AZU1: variants seen among roughly 807,000 people sequenced by gnomAD.
AZU1 encodes the protein azurocidin.
AZU1 carries 21 observed loss-of-function variants against 17.8 expected under a neutral mutation model. The ratio of observed to expected loss-of-function variants is 1.18; its 90% CI spans 0.84 to 1.70. AZU1 has a LOEUF of 1.70. Ranked by LOEUF, AZU1 falls within the 40% of genes most tolerant of loss-of-function variation. The pLI, the probability that AZU1 is intolerant of heterozygous loss-of-function variation, is 0.00. For missense variants in AZU1, 379 were observed against 362.9 expected (o/e 1.04, Z -0.36); for synonymous variants, 178 against 155.2 (o/e 1.15, Z -1.09).
rs771258882 is a variant in AZU1, at chr19:831,783, C to T, written c.662C>T (p.Pro221Leu). Residue 221 changes from proline (P) to leucine (L), a missense_variant, in exon 5 of 5, where the codon CCC becomes CTC. Physicochemically the swap from Pro to Leu is moderately conservative, Grantham distance 98. Transcript: ENST00000233997. Reference protein sequence around the residue: ...AHGVASFSLGPCGRGPDFFTR... With the variant: ...AHGVASFSLGLCGRGPDFFTR... ...GGCGTGGCCTCCTTTTCCCTGGGGC[C>T]CTGTGGCCGAGGCCCTGACTTCTTC... 2.5e-5 allele frequency: 41 copies of T among 1,612,464 alleles called. No individual in the cohort carries two copies. The Admixed American group carries it at 5.0e-4, about 20-fold the overall frequency.
Position 828,379 on chromosome 19 carries a change from C to T in AZU1, c.208C>T (p.Gln70Ter). The change falls in exon 2 of 5, where the codon CAA becomes TAA. Residue 70 changes from glutamine to a stop codon, truncating the protein, a stop_gained. Coordinates refer to ENST00000233997, the MANE Select transcript of AZU1 (RefSeq NM_001700.5). LOFTEE classifies it high-confidence loss of function. ...CGTGATGACCGCGGCCAGCTGCTTC[C>T]AAAGCCAGTGAGGGGTCCTGGGGAG... is the stretch of plus-strand genomic sequence containing the variant. ...RFVMTAASCF[Q>*]SQNPGVSTVV... 6.3e-7 allele frequency: 1 copy of T among 1,583,438 alleles called. No individual in the cohort carries two copies. Among genetic ancestry groups the T allele is most frequent in the Non-Finnish European group, 8.6e-7 (1 of 1,163,558 alleles).
Position 830,738 on chromosome 19 carries a change from G to T in AZU1, c.391G>T (p.Val131Leu). Reference protein sequence around the residue: ...LDREANLTSSVTILPLPLQNA... With the variant: ...LDREANLTSSLTILPLPLQNA... ...CCGTGAGGCCAACCTCACCAGCAGC[G>T]TGACGATACTGCCACTGCCTCTGCA... The change falls in exon 4 of 5, where the codon GTG (valine) becomes TTG (leucine). Residue 131 changes from valine (V) to leucine (L), a missense_variant. Val to Leu is a conservative substitution (Grantham distance 32). Transcript: ENST00000233997. The T allele has an allele frequency of 1.3e-6, 2 of 1,590,470 alleles. No individual in the cohort carries two copies. The highest frequency in any genetic ancestry group is 8.5e-7 in the Non-Finnish European group (1 of 1,172,742).
chr19:828,782 G>T (rs1303607599), intron 2 of AZU1, among the ~76,000 whole-genome samples: 3 of 105,600 alleles, frequency 2.8e-5, no homozygotes, highest in Non-Finnish European at 5.8e-5. Flanking sequence ...AGGGAAGGGG[G>T]TCAGATGGGG....
At position 830,902 on chromosome 19, in the gene AZU1, G is replaced by A; in HGVS notation, c.555G>A (p.Val185=). Reference sequence around the variant, plus strand: ...AGGACCAGTGTCGCCCCAACAACGTGTGCACCGGTGTGCTCACCCGCCGCG... The same window carrying A: ...AGGACCAGTGTCGCCCCAACAACGTATGCACCGGTGTGCTCACCCGCCGCG... ...TPEDQCRPNN[V]CTGVLTRRGG... The change falls in exon 4 of 5, where the codon GTG becomes GTA. Residue 185 remains valine (V), a synonymous_variant. Coordinates refer to ENST00000233997, the MANE Select transcript of AZU1 (RefSeq NM_001700.5). 1 of 1,604,202 alleles carries A rather than the reference G, an allele frequency of 6.2e-7. No individual in the cohort carries two copies. Among genetic ancestry groups the A allele is most frequent in the East Asian group, 2.2e-5 (1 of 44,872 alleles).
At position 830,807 on chromosome 19, in the gene AZU1, T is replaced by TG. The variant is rs771548104; in HGVS notation, c.465dup (p.Ser156GlufsTer72). ...CGGCACCAGATGCCAGGTGGCCGGCTGGGGGAGCCAGCGCAGTGGGGGGCG... is the reference window on the plus strand; with the variant it reads ...CGGCACCAGATGCCAGGTGGCCGGCTGGGGGGAGCCAGCGCAGTGGGGGGCG... On this transcript the variant is annotated frameshift_variant, in exon 4 of 5. Transcript: ENST00000233997. LOFTEE classifies it high-confidence loss of function. The TG allele has an allele frequency of 2.9e-5, 46 of 1,606,908 alleles. No individual in the cohort carries two copies. In the South Asian group the frequency reaches 4.3e-4, roughly 15 times the overall value.
At position 830,719 on chromosome 19, in the gene AZU1, G is replaced by A; in HGVS notation, c.372G>A (p.Glu124=). ...NDLMLLQLDR[E]ANLTSSVTIL... Reference sequence around the variant, plus strand: ...ATTTCCTTCCCCAGCTGGACCGTGAGGCCAACCTCACCAGCAGCGTGACGA... The same window carrying A: ...ATTTCCTTCCCCAGCTGGACCGTGAAGCCAACCTCACCAGCAGCGTGACGA... The change falls in exon 4 of 5, where the codon GAG becomes GAA. Residue 124 remains glutamate (E), a synonymous_variant. Coordinates refer to ENST00000233997, the MANE Select transcript of AZU1 (RefSeq NM_001700.5). 1 of 1,571,658 alleles carries A rather than the reference G, an allele frequency of 6.4e-7. No homozygotes were observed. Among genetic ancestry groups the A allele is most frequent in the East Asian group, 2.2e-5 (1 of 44,596 alleles).
At position 828,289 on chromosome 19, in the gene AZU1, T is replaced by G; in HGVS notation, c.118T>G (p.Phe40Val). Residue 40 changes from phenylalanine to valine, a missense_variant, in exon 2 of 5, where the codon TTC (phenylalanine) becomes GTC (valine). Phe to Val is a conservative substitution (Grantham distance 50). Transcript: ENST00000233997. ...GRKARPRQFP[F>V]LASIQNQGRH... Reference sequence around the variant, plus strand: ...GAAGGCGAGGCCCCGCCAGTTCCCGTTCCTGGCCTCCATTCAGAATCAAGG... The same window carrying G: ...GAAGGCGAGGCCCCGCCAGTTCCCGGTCCTGGCCTCCATTCAGAATCAAGG... 1 of 1,611,872 alleles carries G rather than the reference T, an allele frequency of 6.2e-7. No homozygotes were observed. The highest frequency in any genetic ancestry group is 8.5e-7 in the Non-Finnish European group (1 of 1,179,584).
chr19:827,969 C>G (rs1312546756), intron 1 of AZU1, 65 bp downstream of exon 1: 2 of 1,529,414 alleles, frequency 1.3e-6, no homozygotes, highest in Non-Finnish European at 1.8e-6. Context: ...GGGCAGAACT[C>G]AGACTTAAAG....
chr19:831,560 G>A, intron 4 of AZU1, 156 bp from the exon 5 acceptor site: 1 of 869,902 alleles, frequency 1.1e-6, no homozygotes. Context: ...AAGTCCACTA[G>A]CAGTTAACCA....
intron 1 of AZU1, 82 bp downstream of exon 1, chr19:827,986 G>T: frequency 6.6e-7 from 1 of 1,512,362 alleles, no homozygotes. Flanking sequence ...AAAGCACAGA[G>T]AAGGCAAGCG....
Position 827,909 on chromosome 19 carries a change from G to C in AZU1, c.58+5G>C. ...TGCTGGCGTCCTCGAGGGCCGGTGA[G>C]TGCCTCTCTGTGCCGGTGGTCCCCC... is the stretch of plus-strand genomic sequence containing the variant. On this transcript the variant is annotated splice_donor_5th_base_variant and intron_variant, in intron 1 of 4. Transcript: ENST00000233997. 1 of 1,536,872 alleles carries C rather than the reference G, an allele frequency of 6.5e-7. No individual in the cohort carries two copies. The highest frequency in any genetic ancestry group is 8.7e-7 in the Non-Finnish European group (1 of 1,147,114).
chr19:829,344 G>T (rs939612857), intron 2 of AZU1, among the ~76,000 whole-genome samples: 14 of 148,990 alleles, frequency 9.4e-5, no homozygotes, highest in Non-Finnish European at 1.3e-4. Flanking sequence ...GAAGAGAAGG[G>T]GCTCAGATGG....
intron 3 of AZU1, among the ~76,000 whole-genome samples, chr19:829,934 A>ATG (rs1240559729): frequency 6.6e-5 from 8 of 120,304 alleles, no homozygotes; most frequent in African/African-American, 2.4e-4. Flanking sequence ...ACAAAAATAT[A>ATG]TATGTGTGTG....
chr19:829,544 T>A lies in AZU1; in HGVS notation c.216-18T>A. On this transcript the variant is annotated intron_variant, in intron 2 of 4. Coordinates refer to ENST00000233997, the MANE Select transcript of AZU1 (RefSeq NM_001700.5). Reference sequence around the variant, plus strand: ...CAGCCTGGTGTCCTCCCTCTGCCCTTTCCTCCGCTACTCTCAGGAACCCCG... The same window carrying A: ...CAGCCTGGTGTCCTCCCTCTGCCCTATCCTCCGCTACTCTCAGGAACCCCG... The A allele has an allele frequency of 6.2e-7, 1 of 1,610,838 alleles. No individual in the cohort carries two copies. The highest frequency in any genetic ancestry group is 8.5e-7 in the Non-Finnish European group (1 of 1,179,332).
At position 828,293 on chromosome 19, in the gene AZU1, T is replaced by C. The variant is rs982639715; in HGVS notation, c.122T>C (p.Leu41Pro). 1 of 1,611,818 alleles carries C rather than the reference T, an allele frequency of 6.2e-7. No homozygotes were observed. Among genetic ancestry groups the C allele is most frequent in the Non-Finnish European group, 8.5e-7 (1 of 1,179,540 alleles). ...GCGAGGCCCCGCCAGTTCCCGTTCCTGGCCTCCATTCAGAATCAAGGCAGG... is the reference window on the plus strand; with the variant it reads ...GCGAGGCCCCGCCAGTTCCCGTTCCCGGCCTCCATTCAGAATCAAGGCAGG... Reference protein sequence around the residue: ...RKARPRQFPFLASIQNQGRHF... With the variant: ...RKARPRQFPFPASIQNQGRHF... The change falls in exon 2 of 5, where the codon CTG becomes CCG. Residue 41 changes from leucine (L) to proline (P), a missense_variant. Transcript: ENST00000233997.
chr19:831,335 C>T (rs1459782326), intron 4 of AZU1: 2 of 320,640 alleles, frequency 6.2e-6, no homozygotes, highest in Non-Finnish European at 1.2e-5. Flanking sequence ...ACCTTGGCCT[C>T]CCAAAGTGTT....
In AZU1 at chr19:831,927, G is replaced by T; in HGVS notation, c.*50G>T. On this transcript the variant is annotated 3_prime_UTR_variant, in exon 5 of 5. Coordinates refer to ENST00000233997, the MANE Select transcript of AZU1 (RefSeq NM_001700.5). ...CCCAGCCCCGCCCTCCACACCTCCG[G>T]CGCTCCGCACCCACCTCCCACGGCC... 1.3e-6 allele frequency: 2 copies of T among 1,571,438 alleles called. No individual in the cohort carries two copies. Among genetic ancestry groups the T allele is most frequent in the Non-Finnish European group, 1.7e-6 (2 of 1,154,816 alleles).
At chr19:829,408 A>G (rs687077) in intron 2 of AZU1, among the ~76,000 whole-genome samples, 154 bp from the exon 3 acceptor site, 89,576 of 151,378 alleles carry the variant, frequency 0.59, 28,620 homozygotes, top group African/African-American at 0.85. Context: ...GGCCCTGGAA[A>G]GTCTCGGCTC....
intron 4 of AZU1, 90 bp from the exon 5 acceptor site, chr19:831,626 G>A (rs753534487): frequency 7.3e-7 from 1 of 1,372,348 alleles, no homozygotes; most frequent in South Asian, 1.4e-5. Context: ...AGGACTTGTA[G>A]GTTCCAGGGG....
Sources: gnomAD v4.1 joint callset for allele counts (sites outside exome capture counted in the v4.1 genomes callset) on GRCh38, gnomAD v4.1.1 for gene constraint, MANE v1.5 for transcripts, NCBI Gene and HGNC (gene_info 2026-07-23, HGNC 2026-07-21) for gene names.